Variants in FRS2 observed in about 807,000 individuals in gnomAD.
FRS2 encodes the protein fibroblast growth factor receptor substrate 2, also known as FGFR signalling adaptor.
Under a neutral mutation model 43.9 loss-of-function variants are expected in FRS2, and 8 were observed. The observed-to-expected ratio is 0.18, with a 90% CI of 0.11 to 0.33. The LOEUF is 0.33. FRS2 is among the 10% of genes least tolerant of loss of function. FRS2 has a pLI of 1.00. For missense variants in FRS2, 534 were observed against 627.6 expected (o/e 0.85, Z 1.59); for synonymous variants, 219 against 220.3 (o/e 0.99, Z 0.05).
intron 1 of FRS2, among the ~76,000 whole-genome samples, chr12:69,505,774 A>G (rs1469756187): frequency 1.3e-5 from 2 of 152,220 alleles, no homozygotes; most frequent in African/African-American, 2.4e-5. Context: ...TTGCGTGGAA[A>G]AATGTCATAA....
intron 1 of FRS2, among the ~76,000 whole-genome samples, chr12:69,484,185 C>T (rs1053177841): frequency 2.6e-5 from 4 of 151,870 alleles, no homozygotes; most frequent in South Asian, 4.2e-4. Flanking sequence ...CCCGGGTTCA[C>T]GCCATTCTCC....
chr12:69,507,800 G>A (rs1039958735), intron 1 of FRS2, among the ~76,000 whole-genome samples: 2 of 152,022 alleles, frequency 1.3e-5, no homozygotes, highest in African/African-American at 2.4e-5. Flanking sequence ...CCAGGCGGGC[G>A]GATCACCTTA....
At chr12:69,573,445 A>G (rs1880928990) in intron 8 of FRS2, among the ~76,000 whole-genome samples, 1 of 152,148 alleles carries the variant, frequency 6.6e-6, no homozygotes, top group Non-Finnish European at 1.5e-5. Context: ...TTAACAATCA[A>G]ATATAATGTT....
rs568407348 is a variant in FRS2 at position 69,549,468 on chromosome 12, T to C, written c.-121-12712T>C. ...AAGCTCAAATCATCACGTCTAACTT[T>C]GTTGTGGTTAATTTTGCGTATTTAA... On this transcript the variant is annotated intron_variant, in intron 3 of 8. Transcript: ENST00000549921. Among the ~76,000 whole-genome samples the C allele has an allele frequency of 3.9e-5, 6 of 152,302 alleles. No individual in the cohort carries two copies. In the South Asian group the frequency reaches 1.2e-3, roughly 32 times the overall value.
intron 1 of FRS2, among the ~76,000 whole-genome samples, chr12:69,490,484 TC>T (rs1872382490): frequency 6.6e-6 from 1 of 151,766 alleles, no homozygotes; most frequent in South Asian, 2.1e-4. Flanking sequence ...TTGTCCTCCT[TC>T]TTCTCTTGTT....
At chr12:69,477,756 T>A (rs551931282) in intron 1 of FRS2, among the ~76,000 whole-genome samples, 3 of 142,954 alleles carry the variant, frequency 2.1e-5, no homozygotes, top group Admixed American at 7.1e-5. Flanking sequence ...TTATTTATTT[T>A]TTGAGACAGA....
intron 1 of FRS2, among the ~76,000 whole-genome samples, chr12:69,519,644 C>T (rs1181557378): frequency 3.3e-5 from 5 of 152,088 alleles, no homozygotes; most frequent in Admixed American, 2.0e-4. Flanking sequence ...CACTTATAAG[C>T]GAGAACATGG....
intron 1 of FRS2, among the ~76,000 whole-genome samples, chr12:69,505,432 A>C (rs180880834): frequency 6.6e-6 from 1 of 152,346 alleles, no homozygotes; most frequent in Admixed American, 6.5e-5. Context: ...GTAAATAAGC[A>C]CTAAGGTGGT....
chr12:69,531,560 G>GA (rs1223117903), intron 2 of FRS2, among the ~76,000 whole-genome samples: 1 of 151,728 alleles, frequency 6.6e-6, no homozygotes, highest in Non-Finnish European at 1.5e-5. Context: ...TTGGAGTGGT[G>GA]AAAATATTAT....
chr12:69,516,853 G>T (rs1431203777), intron 1 of FRS2, among the ~76,000 whole-genome samples: 1 of 152,062 alleles, frequency 6.6e-6, no homozygotes, highest in Non-Finnish European at 1.5e-5. Flanking sequence ...TAAGATTTAT[G>T]CTTCTTATAC....
chr12:69,473,417 G>T (rs567895069), intron 1 of FRS2, among the ~76,000 whole-genome samples: 50 of 152,340 alleles, frequency 3.3e-4, no homozygotes, highest in Admixed American at 1.3e-3. Context: ...GGTGGGTGAA[G>T]AAGGCCTTTC....
intron 1 of FRS2, among the ~76,000 whole-genome samples, chr12:69,509,697 T>C (rs1874281965): frequency 6.6e-6 from 1 of 152,154 alleles, no homozygotes; most frequent in Non-Finnish European, 1.5e-5. Context: ...TTCAACTTTC[T>C]TGGTCTTGAT....
intron 3 of FRS2, among the ~76,000 whole-genome samples, chr12:69,536,564 GT>G (rs1187962974): frequency 0.035 from 4,668 of 134,708 alleles, 206 homozygotes; most frequent in African/African-American, 0.11. Context: ...GATAGATTTA[GT>G]TTTTTTTTTT....
chr12:69,517,178 A>G (rs1312512132), intron 1 of FRS2, among the ~76,000 whole-genome samples: 1 of 152,154 alleles, frequency 6.6e-6, no homozygotes, highest in Non-Finnish European at 1.5e-5. Context: ...ACCACCACAG[A>G]TTGTCCACGT....
chr12:69,492,053 A>G (rs2120947173), intron 1 of FRS2, among the ~76,000 whole-genome samples: 1 of 151,914 alleles, frequency 6.6e-6, no homozygotes, highest in Non-Finnish European at 1.5e-5. Context: ...CTCTATTTTT[A>G]TTAATTATGT....
At chr12:69,551,662 A>G (rs970791771) in intron 3 of FRS2, among the ~76,000 whole-genome samples, 1 of 151,952 alleles carries the variant, frequency 6.6e-6, no homozygotes, top group African/African-American at 2.4e-5. Context: ...AATGGGGAAA[A>G]TAGTTCCCAG....
At chr12:69,567,630 A>G (rs949362826) in intron 4 of FRS2, among the ~76,000 whole-genome samples, 3 of 152,212 alleles carry the variant, frequency 2.0e-5, no homozygotes, top group Non-Finnish European at 2.9e-5. Flanking sequence ...TTGGGTTAGC[A>G]TATGCATGAC....
chr12:69,531,246 CTT>C (rs1457899575), intron 2 of FRS2, among the ~76,000 whole-genome samples: 7 of 151,726 alleles, frequency 4.6e-5, no homozygotes, highest in African/African-American at 1.7e-4. Context: ...ATGAGAATCT[CTT>C]GAACCCAGGA....
Position 69,572,285 on chromosome 12 carries a change from A to T in FRS2, c.576+4A>T. 1 of 1,609,202 alleles carries T rather than the reference A, an allele frequency of 6.2e-7. No individual in the cohort carries two copies. The highest frequency in any genetic ancestry group is 8.5e-7 in the Non-Finnish European group (1 of 1,175,802). ...TTTGCTTGTGGCTGAGGAACAAGTA[A>T]GCATGTGCTACTGTGTAACAGCAAT... On this transcript the variant is annotated splice_donor_region_variant and intron_variant, in intron 8 of 8. Coordinates refer to ENST00000549921, the MANE Select transcript of FRS2 (RefSeq NM_001278356.2).
Sources: allele counts gnomAD v4.1 joint callset (sites outside exome capture counted in the v4.1 genomes callset), GRCh38; gene constraint gnomAD v4.1.1; transcripts MANE v1.5; gene names NCBI Gene and HGNC (gene_info 2026-07-23, HGNC 2026-07-21).